The following DIAPH3 variants were observed in gnomAD, a reference collection of about 807,000 sequenced individuals.
DIAPH3 encodes the protein protein diaphanous homolog 3.
A neutral mutation model predicts 144.3 loss-of-function variants in DIAPH3; 117 were observed. That is an observed-to-expected ratio of 0.81 (90% CI 0.70 to 0.95). The LOEUF (loss-of-function observed/expected upper bound fraction) is 0.95. DIAPH3 is among the 40% of genes least tolerant of loss of function. The pLI is 0.00. For synonymous variants in DIAPH3, 519 were observed against 488.9 expected, an observed-to-expected ratio of 1.06 and a Z score of -0.81; for missense variants, 1,421 against 1,412.7, an observed-to-expected ratio of 1.01 and a Z score of -0.09.
chr13:60,121,749 G>C (rs1397947334), intron 2 of DIAPH3, among the ~76,000 whole-genome samples: 2 of 152,180 alleles, frequency 1.3e-5, no homozygotes, highest in Non-Finnish European at 2.9e-5. Flanking sequence ...GACCTGAATA[G>C]TGAGAGAAGC....
intron 20 of DIAPH3, among the ~76,000 whole-genome samples, chr13:59,898,134 C>CAAAAAAAAACAA (rs2046227328): frequency 1.4e-5 from 1 of 72,198 alleles, no homozygotes; most frequent in Non-Finnish European, 2.4e-5. Context: ...GACTCTGCCT[C>CAAAAAAAAACAA]AAAAAAAAAA....
At chr13:59,780,560 T>C (rs1198543072) in intron 25 of DIAPH3, among the ~76,000 whole-genome samples, 2 of 152,272 alleles carry the variant, frequency 1.3e-5, no homozygotes, top group East Asian at 3.9e-4. Flanking sequence ...AAGTCAAAGA[T>C]TTCCTATATG....
chr13:60,128,810 A>G (rs990328097), intron 2 of DIAPH3, among the ~76,000 whole-genome samples: 1 of 151,878 alleles, frequency 6.6e-6, no homozygotes, highest in Non-Finnish European at 1.5e-5. Context: ...GAGAGGAGTG[A>G]AGAAAATTAG....
At chr13:60,134,481 C>T (rs933373375) in intron 1 of DIAPH3, among the ~76,000 whole-genome samples, 5 of 152,172 alleles carry the variant, frequency 3.3e-5, no homozygotes, top group Admixed American at 6.5e-5. Context: ...TAAACCCAAA[C>T]GTAGAGGGCT....
chr13:59,861,067 A>G (rs2043550188), intron 22 of DIAPH3, among the ~76,000 whole-genome samples: 1 of 152,226 alleles, frequency 6.6e-6, no homozygotes, highest in Non-Finnish European at 1.5e-5. Context: ...ATAGGCTATC[A>G]GTGCCTATGA....
chr13:59,983,153 A>AAAC (rs1555348754), intron 13 of DIAPH3, among the ~76,000 whole-genome samples: 1 of 149,902 alleles, frequency 6.7e-6, no homozygotes, highest in African/African-American at 2.4e-5. Flanking sequence ...AAAAAAAAAA[A>AAAC]AAAAAACTCT....
chr13:60,091,648 G>A (rs577493400), intron 4 of DIAPH3, among the ~76,000 whole-genome samples: 2 of 152,114 alleles, frequency 1.3e-5, no homozygotes, highest in South Asian at 4.2e-4. Flanking sequence ...CTTACAAATA[G>A]TAAATCTGTA....
At chr13:59,852,168 A>C (rs191237181) in intron 22 of DIAPH3, among the ~76,000 whole-genome samples, 4 of 152,344 alleles carry the variant, frequency 2.6e-5, no homozygotes, top group Non-Finnish European at 5.9e-5. Context: ...GTAGACACTT[A>C]TATGACAAAA....
intron 24 of DIAPH3, among the ~76,000 whole-genome samples, chr13:59,823,276 A>C (rs1378661954): frequency 6.6e-6 from 1 of 152,216 alleles, no homozygotes; most frequent in Non-Finnish European, 1.5e-5. Flanking sequence ...AGTAAAGACT[A>C]GGAGAACCTA....
At chr13:60,097,439 G>C (rs141290712) in intron 3 of DIAPH3, among the ~76,000 whole-genome samples, 1 of 152,136 alleles carries the variant, frequency 6.6e-6, no homozygotes, top group East Asian at 1.9e-4. Context: ...CTCACCATGT[G>C]ATCTCTGCAC....
At chr13:59,982,004 A>G (rs2051049330) in intron 13 of DIAPH3, among the ~76,000 whole-genome samples, 1 of 151,484 alleles carries the variant, frequency 6.6e-6, no homozygotes. Context: ...CATTAAGAAT[A>G]ACTTAAAATT....
chr13:59,839,274 G>A (rs1347548003), intron 23 of DIAPH3, 50 bp downstream of exon 23: 2 of 1,601,194 alleles, frequency 1.2e-6, no homozygotes, highest in Non-Finnish European at 1.7e-6. Flanking sequence ...TAAATAAATT[G>A]TATCTCTAGT....
intron 17 of DIAPH3, among the ~76,000 whole-genome samples, chr13:59,938,651 A>G (rs969206114): frequency 1.3e-5 from 2 of 151,894 alleles, no homozygotes; most frequent in Non-Finnish European, 2.9e-5. Context: ...TCACATACAG[A>G]CCTCTTTTCC....
chr13:59,859,948 G>A (rs1487924153), intron 22 of DIAPH3, among the ~76,000 whole-genome samples: 2 of 152,060 alleles, frequency 1.3e-5, no homozygotes, highest in Non-Finnish European at 2.9e-5. Flanking sequence ...GTTGCAGAGG[G>A]GTAAAGTGAG....
At chr13:60,137,150 A>G (rs1246821936) in intron 1 of DIAPH3, among the ~76,000 whole-genome samples, 1 of 152,182 alleles carries the variant, frequency 6.6e-6, no homozygotes, top group Non-Finnish European at 1.5e-5. Context: ...GTTTTCTGTT[A>G]ATGACAGTTC....
chr13:59,915,793 T>C (rs1442294946), intron 19 of DIAPH3, among the ~76,000 whole-genome samples: 1 of 152,004 alleles, frequency 6.6e-6, no homozygotes, highest in Non-Finnish European at 1.5e-5. Context: ...CTAAACCATA[T>C]AATAATATCT....
chr13:60,120,503 T>C (rs1269623437), intron 2 of DIAPH3, among the ~76,000 whole-genome samples: 1 of 152,254 alleles, frequency 6.6e-6, no homozygotes, highest in Non-Finnish European at 1.5e-5. Flanking sequence ...GAAAACTTAC[T>C]GTTCCCTCCC....
chr13:59,749,382 T>A (rs1443711745), intron 27 of DIAPH3, among the ~76,000 whole-genome samples: 1 of 150,426 alleles, frequency 6.6e-6, no homozygotes. Context: ...TAGCCAGGCG[T>A]GGTGGTGGGC....
chr13:59,808,375 T>A (rs1220721781), intron 25 of DIAPH3, among the ~76,000 whole-genome samples: 1 of 151,820 alleles, frequency 6.6e-6, no homozygotes, highest in Admixed American at 6.6e-5. Context: ...CTCAAAGAAA[T>A]GCAAATTAAG....
Sources: gnomAD v4.1 joint callset for allele counts (sites outside exome capture counted in the v4.1 genomes callset) on GRCh38, gnomAD v4.1.1 for gene constraint, MANE v1.5 for transcripts, NCBI Gene and HGNC (gene_info 2026-07-23, HGNC 2026-07-21) for gene names.